Variants in SMARCD2 observed in about 807,000 individuals in gnomAD.
SMARCD2 encodes the protein SWI/SNF-related matrix-associated actin-dependent regulator of chromatin subfamily D member 2.
SMARCD2 carries 39 observed loss-of-function variants against 70.4 expected under a neutral mutation model. The ratio of observed to expected loss-of-function variants is 0.55; its 90% CI spans 0.43 to 0.72. The LOEUF is 0.72. Ranked by LOEUF, SMARCD2 falls within the 30% of genes least tolerant of loss-of-function variation. SMARCD2 has a pLI of 0.00. For missense variants in SMARCD2, 540 were observed against 713.4 expected, an observed-to-expected ratio of 0.76 and a Z score of 2.77; for synonymous variants, 249 against 279.4, an observed-to-expected ratio of 0.89 and a Z score of 1.08.
Position 63,837,056 on chromosome 17 carries a change from T to C in SMARCD2, c.445-12A>G. 1 of 1,613,060 alleles carries C rather than the reference T, an allele frequency of 6.2e-7. No individual in the cohort carries two copies. Among genetic ancestry groups the C allele is most frequent in the Non-Finnish European group, 8.5e-7 (1 of 1,179,046 alleles). Reference sequence around the variant, plus strand: ...ACAAGCTCCCGGATCTGAAGGAAGGTAGCAGAAGCTCATCAGCTTGCTTCA... The same window carrying C: ...ACAAGCTCCCGGATCTGAAGGAAGGCAGCAGAAGCTCATCAGCTTGCTTCA... On this transcript the variant is annotated splice_polypyrimidine_tract_variant and intron_variant, in intron 3 of 12. Coordinates refer to ENST00000448276, the MANE Select transcript of SMARCD2 (RefSeq NM_001098426.2). This position sits in a 1 kb window ranked among gnomAD's most constrained non-coding sequence, Gnocchi z 6.4.
intron 5 of SMARCD2, chr17:63,835,010 T>A: frequency 1.7e-6 from 1 of 584,296 alleles, no homozygotes; most frequent in Non-Finnish European, 3.0e-6. Context: ...CTCGAGACAC[T>A]CGACTGCCAT....
At position 63,835,417 on chromosome 17, in the gene SMARCD2, CCAG is replaced by C; in HGVS notation, c.715_717del (p.Leu239del). 2 of 1,613,076 alleles carry C rather than the reference CCAG, an allele frequency of 1.2e-6. No individual in the cohort carries two copies. Among genetic ancestry groups the C allele is most frequent in the Non-Finnish European group, 1.7e-6 (2 of 1,179,318 alleles). On this transcript the variant is annotated inframe_deletion, in exon 5 of 13. Transcript: ENST00000448276. Reference sequence around the variant, plus strand: ...AACCTCCCTCCCCAACTCACATCATCCAGCAGTTTTCCTTCCACTCGGAGTTCC... The same window carrying C: ...AACCTCCCTCCCCAACTCACATCATCCAGTTTTCCTTCCACTCGGAGTTCC...
At position 63,833,081 on chromosome 17, in the gene SMARCD2, G is replaced by A. The variant is rs909481383; in HGVS notation, c.1530C>T (p.His510=). Residue 510 remains histidine (H), a synonymous_variant, in exon 12 of 13, where the codon CAC becomes CAT. Coordinates refer to ENST00000448276, the MANE Select transcript of SMARCD2 (RefSeq NM_001098426.2). The surrounding 1 kb of genome is among the most constrained non-coding windows in gnomAD (Gnocchi z 4.3). ...GGCAGAGCCTCACCTTGGCAAAGAT[G>A]TGCCTGCCTACTGCTTCCTGGGCCC... is the stretch of plus-strand genomic sequence containing the variant. The part of the protein sequence containing the change: ...QPWAQEAVGR[H]IFAKVQQRRQ... 8 of 1,598,924 alleles carry A rather than the reference G, an allele frequency of 5.0e-6. No homozygotes were observed. Among genetic ancestry groups the A allele is most frequent in the Non-Finnish European group, 6.8e-6 (8 of 1,173,086 alleles).
chr17:63,833,312 G>A lies in SMARCD2; in HGVS notation c.1426C>T (p.Arg476Cys), dbSNP rs777611849. 48 of 1,613,872 alleles carry A rather than the reference G, an allele frequency of 3.0e-5. No individual in the cohort carries two copies. Among genetic ancestry groups the A allele is most frequent in the Non-Finnish European group, 2.5e-5 (30 of 1,179,888 alleles). ...DFIQEWLRSQ[R>C]RDLKIITDVI... is the part of the protein sequence containing the mutation. ...GAGGACTACACCTTGAGGTCTCGGC[G>A]CTGGGAACGGAGCCATTCCTGGATG... The change falls in exon 11 of 13, where the codon CGC becomes TGC. Residue 476 changes from arginine to cysteine, a missense_variant. Coordinates refer to ENST00000448276, the MANE Select transcript of SMARCD2 (RefSeq NM_001098426.2). The surrounding 1 kb of genome is among the most constrained non-coding windows in gnomAD (Gnocchi z 4.3).
chr17:63,837,065 C>T lies in SMARCD2; in HGVS notation c.445-21G>A. On this transcript the variant is annotated intron_variant, in intron 3 of 12. Transcript: ENST00000448276. The surrounding 1 kb of genome is among the most constrained non-coding windows in gnomAD (Gnocchi z 6.4). ...CGGATCTGAAGGAAGGTAGCAGAAG[C>T]TCATCAGCTTGCTTCAGCCAAAGCC... 1 of 1,612,970 alleles carries T rather than the reference C, an allele frequency of 6.2e-7. No individual in the cohort carries two copies. Among genetic ancestry groups the T allele is most frequent in the Non-Finnish European group, 8.5e-7 (1 of 1,178,952 alleles).
At chr17:63,836,802 T>C (rs2040271649) in intron 4 of SMARCD2, 120 bp downstream of exon 4, 5 of 827,354 alleles carry the variant, frequency 6.0e-6, no homozygotes, top group African/African-American at 1.7e-5. Flanking sequence ...ACTCTACTAG[T>C]GGGCTGCATC....
At position 63,832,906 on chromosome 17, in the gene SMARCD2, C is replaced by A; in HGVS notation, c.*32G>T. ...ACCCAGAGGGTGGTCTCCCTCCAGG[C>A]TCCAGGGCTGGGAAGAAAGATCCCT... On this transcript the variant is annotated 3_prime_UTR_variant, in exon 13 of 13. Coordinates refer to ENST00000448276, the MANE Select transcript of SMARCD2 (RefSeq NM_001098426.2). 1 of 1,550,098 alleles carries A rather than the reference C, an allele frequency of 6.5e-7. No individual in the cohort carries two copies. The highest frequency in any genetic ancestry group is 1.2e-5 in the South Asian group (1 of 84,018).
Position 63,837,402 on chromosome 17 carries a change from G to A in SMARCD2, c.401+39C>T. The A allele has an allele frequency of 9.0e-6, 14 of 1,560,376 alleles. No homozygotes were observed. Among genetic ancestry groups the A allele is most frequent in the Non-Finnish European group, 1.2e-5 (14 of 1,144,142 alleles). On this transcript the variant is annotated intron_variant, in intron 2 of 12. Coordinates refer to ENST00000448276, the MANE Select transcript of SMARCD2 (RefSeq NM_001098426.2). The surrounding 1 kb of genome is among the most constrained non-coding windows in gnomAD (Gnocchi z 6.4). ...AAGGAAACCCTCTGCTACCACCAGA[G>A]CTGAGTTAGGCAGAGTGAGAGAAGC...
intron 4 of SMARCD2, among the ~76,000 whole-genome samples, chr17:63,835,977 C>T (rs1402384193): frequency 6.6e-6 from 1 of 152,100 alleles, no homozygotes; most frequent in African/African-American, 2.4e-5. Flanking sequence ...GATCTGCCCA[C>T]TTCGGCCTCC....
Position 63,832,125 on chromosome 17 carries a change from T to A in SMARCD2, c.*813A>T, listed in dbSNP as rs6919. The A allele has an allele frequency of 0.64, 507,495 of 788,718 alleles. 166,553 individuals are homozygous for A. Among genetic ancestry groups the A allele is most frequent in the African/African-American group, 0.89 (51,968 of 58,094 alleles). The allele number at this position is 788,718 out of a possible 1,614,324, so 48.9% of individuals were successfully genotyped here. A position where few individuals can be genotyped will look rare whatever the true frequency, so the allele number is the denominator to read the frequency against. On this transcript the variant is annotated 3_prime_UTR_variant, in exon 13 of 13. Transcript: ENST00000448276. ...TTTGGAAATTTCCAAACCTGCCAGA[T>A]GTGGCACTCGCCAAGCCCTAGGCCC...
At position 63,834,505 on chromosome 17, in the gene SMARCD2, T is replaced by C. The variant is rs1217064026; in HGVS notation, c.890A>G (p.Lys297Arg). ...ATCCAGCATGAGCAGGAGGGTGCAC[T>C]TGACGTTGAGGTCTCCAGGCCGTTT... ...QVKRPGDLNV[K>R]CTLLLMLDHQ... Residue 297 changes from lysine (K) to arginine (R), a missense_variant, in exon 7 of 13, where the codon AAG (lysine) becomes AGG (arginine). Coordinates refer to ENST00000448276, the MANE Select transcript of SMARCD2 (RefSeq NM_001098426.2). This position sits in a 1 kb window ranked among gnomAD's most constrained non-coding sequence, Gnocchi z 5.6. 2.5e-6 allele frequency: 4 copies of C among 1,603,456 alleles called. No individual in the cohort carries two copies. Among genetic ancestry groups the C allele is most frequent in the Non-Finnish European group, 3.4e-6 (4 of 1,172,670 alleles).
intron 1 of SMARCD2, chr17:63,839,043 G>C: frequency 1.0e-6 from 1 of 985,308 alleles, no homozygotes. Context: ...GGGGGCTCTG[G>C]GGCTTTGGGA....
chr17:63,834,612 G>A lies in SMARCD2; in HGVS notation c.820-37C>T. On this transcript the variant is annotated intron_variant, in intron 6 of 12. Transcript: ENST00000448276. This position sits in a 1 kb window ranked among gnomAD's most constrained non-coding sequence, Gnocchi z 5.6. ...GGAAGCATGGCTTATCACCAAGGGG[G>A]TGGGCGTGAACACAGGGCCTCCCAA... 1 of 1,576,386 alleles carries A rather than the reference G, an allele frequency of 6.3e-7. No individual in the cohort carries two copies. The highest frequency in any genetic ancestry group is 8.7e-7 in the Non-Finnish European group (1 of 1,148,502).
At chr17:63,839,167 A>G in intron 1 of SMARCD2, 2 of 985,212 alleles carry the variant, frequency 2.0e-6, no homozygotes, top group Non-Finnish European at 2.4e-6. Flanking sequence ...GAGATTATAG[A>G]AAAAAACTAA....
chr17:63,838,299 G>A (rs2040291321), intron 1 of SMARCD2, among the ~76,000 whole-genome samples: 1 of 151,916 alleles, frequency 6.6e-6, no homozygotes, highest in Admixed American at 6.6e-5. Context: ...CCCACCCACA[G>A]CCCAGAACTG....
In SMARCD2 at chr17:63,832,112, C is replaced by A; in HGVS notation, c.*826G>T. On this transcript the variant is annotated 3_prime_UTR_variant, in exon 13 of 13. Coordinates refer to ENST00000448276, the MANE Select transcript of SMARCD2 (RefSeq NM_001098426.2). ...ACAAAAGGATTTATTTGGAAATTTC[C>A]AAACCTGCCAGATGTGGCACTCGCC... 1 of 905,208 alleles carries A rather than the reference C, an allele frequency of 1.1e-6. No homozygotes were observed. The highest frequency in any genetic ancestry group is 1.7e-6 in the Non-Finnish European group (1 of 585,776). 56.1% of individuals were successfully genotyped at this position (905,208 alleles called of 1,614,324 possible). A position where few individuals can be genotyped will look rare whatever the true frequency, so the allele number is the denominator to read the frequency against.
intron 1 of SMARCD2, 171 bp downstream of exon 1, chr17:63,842,288 C>G (rs1353669576): frequency 2.7e-5 from 30 of 1,104,744 alleles, no homozygotes; most frequent in Non-Finnish European, 3.0e-5. Context: ...CTTCCCCTTC[C>G]CACTTCTCCA....
rs1374271866 is a variant in SMARCD2, at chr17:63,834,524, G to C, written c.871C>G (p.Pro291Ala). 1 of 1,607,102 alleles carries C rather than the reference G, an allele frequency of 6.2e-7. No homozygotes were observed. Among genetic ancestry groups the C allele is most frequent in the South Asian group, 1.1e-5 (1 of 90,712 alleles). Residue 291 changes from proline (P) to alanine (A), a missense_variant, in exon 7 of 13, where the codon CCT becomes GCT. Pro to Ala is a conservative substitution (Grantham distance 27). Transcript: ENST00000448276. This position sits in a 1 kb window ranked among gnomAD's most constrained non-coding sequence, Gnocchi z 5.6. ...GTGCACTTGACGTTGAGGTCTCCAG[G>C]CCGTTTTACTTGGAAGCCATCTGTC... Reference protein sequence around the residue: ...QETDGFQVKRPGDLNVKCTLL... With the variant: ...QETDGFQVKRAGDLNVKCTLL...
Position 63,833,278 on chromosome 17 carries a change from C to T in SMARCD2, c.1440+20G>A, listed in dbSNP as rs201136476. On this transcript the variant is annotated intron_variant, in intron 11 of 12. Coordinates refer to ENST00000448276, the MANE Select transcript of SMARCD2 (RefSeq NM_001098426.2). The surrounding 1 kb of genome is among the most constrained non-coding windows in gnomAD (Gnocchi z 4.3). Reference sequence around the variant, plus strand: ...ACCCAGAGCTTTACATAGGAGTCCCCTCGGGAAAGAGGACTACACCTTGAG... The same window carrying T: ...ACCCAGAGCTTTACATAGGAGTCCCTTCGGGAAAGAGGACTACACCTTGAG... 3.1e-6 allele frequency: 5 copies of T among 1,613,900 alleles called. No homozygotes were observed. Among genetic ancestry groups the T allele is most frequent in the African/African-American group, 1.3e-5 (1 of 75,034 alleles).
Sources: gnomAD v4.1 joint callset for allele counts (sites outside exome capture counted in the v4.1 genomes callset) on GRCh38, gnomAD v4.1.1 for gene constraint, Gnocchi (gnomAD v3.1) non-coding constraint, MANE v1.5 for transcripts, NCBI Gene and HGNC (gene_info 2026-07-23, HGNC 2026-07-21) for gene names.